The following ACCSL variants were observed in gnomAD, a reference collection of about 807,000 sequenced individuals.
The protein encoded by ACCSL is probable inactive 1-aminocyclopropane-1-carboxylate synthase-like protein 2.
ACCSL carries 55 observed loss-of-function variants against 61.7 expected under a neutral mutation model. The ratio of observed to expected loss-of-function variants is 0.89; its 90% confidence interval spans 0.72 to 1.12. ACCSL has a LOEUF of 1.12. ACCSL is among the 50% of genes most tolerant of loss of function. ACCSL has a pLI of 0.00. For missense variants in ACCSL, 632 were observed against 698.0 expected (o/e 0.91, Z 1.07); for synonymous variants, 258 against 264.3 (o/e 0.98, Z 0.23).
rs577026793 is a variant in ACCSL at position 44,053,649 on chromosome 11, G to A, written c.1049+143G>A. 168 of 709,998 alleles carry A rather than the reference G, an allele frequency of 2.4e-4. 1 individual carries two copies. The highest frequency in any genetic ancestry group is 2.2e-3 in the African/African-American group (125 of 55,952). 44.0% of individuals were successfully genotyped at this position (709,998 alleles called of 1,614,324 possible). A position where few individuals can be genotyped will look rare whatever the true frequency, so the allele number is the denominator to read the frequency against. ...AGGCCGAGAAGGTGGATCACTTGAG[G>A]TCAGGAGTTCGAGACCAGCATGGCC... On this transcript the variant is annotated intron_variant, in intron 8 of 13. Transcript: ENST00000378832.
the ACCSL span, among the ~76,000 whole-genome samples, chr11:43,967,078 G>A: frequency 6.8e-6 from 1 of 147,560 alleles, no homozygotes; most frequent in African/African-American, 2.5e-5. Context: ...ATAGTGCTAA[G>A]TTCTCCTTCC....
the ACCSL span, among the ~76,000 whole-genome samples, chr11:43,994,162 T>A: frequency 6.6e-6 from 1 of 152,240 alleles, no homozygotes; most frequent in Admixed American, 6.5e-5. Flanking sequence ...AAAGACAGTA[T>A]TTTTTGCATT....
chr11:43,939,843 G>A, the ACCSL span, among the ~76,000 whole-genome samples: 11 of 152,168 alleles, frequency 7.2e-5, no homozygotes, highest in Non-Finnish European at 2.9e-5. Flanking sequence ...CTGACCTCAA[G>A]TGATCCATCC....
chr11:43,966,860 T>G, the ACCSL span, among the ~76,000 whole-genome samples: 1 of 152,192 alleles, frequency 6.6e-6, no homozygotes, highest in Non-Finnish European at 1.5e-5. Context: ...GATTCACATC[T>G]TTGGTTTCAA....
the ACCSL span, among the ~76,000 whole-genome samples, chr11:44,021,106 C>A: frequency 6.6e-6 from 1 of 152,048 alleles, no homozygotes; most frequent in Non-Finnish European, 1.5e-5. Context: ...GTGCAAGTGT[C>A]TTTTTCATAT....
chr11:44,044,099 G>C (rs1335009488), upstream of ACCSL, among the ~76,000 whole-genome samples: 5 of 152,118 alleles, frequency 3.3e-5, no homozygotes, highest in African/African-American at 1.2e-4. Context: ...CAGAGTGTTT[G>C]CTTACTTCTA....
At chr11:43,973,451 TATC>T in the ACCSL span, among the ~76,000 whole-genome samples, 9 of 148,636 alleles carry the variant, frequency 6.1e-5, no homozygotes, top group African/African-American at 2.3e-4. Context: ...TCTATCTATC[TATC>T]TATCTATCTC....
At chr11:44,003,194 C>T in the ACCSL span, among the ~76,000 whole-genome samples, 1 of 152,240 alleles carries the variant, frequency 6.6e-6, no homozygotes, top group East Asian at 1.9e-4. Context: ...ACACAATGTT[C>T]CAAGTATAAG....
chr11:44,037,628 A>T, the ACCSL span, among the ~76,000 whole-genome samples: 60 of 152,236 alleles, frequency 3.9e-4, 1 homozygote, highest in Admixed American at 2.6e-4. Flanking sequence ...CAGGCTGTGG[A>T]AGGTGAAGTT....
Position 44,052,689 on chromosome 11 carries a change from A to G in ACCSL, c.800A>G (p.Tyr267Cys), listed in dbSNP as rs747890227. 6.2e-6 allele frequency: 10 copies of G among 1,613,902 alleles called. No homozygotes were observed. The highest frequency in any genetic ancestry group is 8.5e-6 in the Non-Finnish European group (10 of 1,179,992). Residue 267 changes from tyrosine (Y) to cysteine (C), a missense_variant, in exon 6 of 14, where the codon TAT becomes TGT. Coordinates refer to ENST00000378832, the MANE Select transcript of ACCSL (RefSeq NM_001031854.2). ...GEAFLVPAPF[Y>C]GGFAFSSRLY... The stretch of plus-strand genomic sequence containing the variant: ...GCCTTCCTGGTCCCTGCTCCCTTCT[A>G]TGGTGGCTTTGCCTTTAGCTCCCGC...
At chr11:43,941,083 T>C in the ACCSL span, among the ~76,000 whole-genome samples, 1 of 152,142 alleles carries the variant, frequency 6.6e-6, no homozygotes, top group Non-Finnish European at 1.5e-5. Flanking sequence ...AGTGAACACA[T>C]TGAGTTCACG....
At chr11:44,000,948 G>A in the ACCSL span, among the ~76,000 whole-genome samples, 3 of 152,140 alleles carry the variant, frequency 2.0e-5, no homozygotes, top group East Asian at 5.8e-4. Flanking sequence ...CTGAGGCACC[G>A]ATAAGTTAAG....
At chr11:43,986,282 C>A in the ACCSL span, among the ~76,000 whole-genome samples, 1 of 151,938 alleles carries the variant, frequency 6.6e-6, no homozygotes, top group Non-Finnish European at 1.5e-5. Context: ...TGTCTCCCTG[C>A]TGTCTTTTTC....
intron 11 of ACCSL, among the ~76,000 whole-genome samples, chr11:44,056,773 A>T (rs1385287475): frequency 1.3e-5 from 2 of 152,190 alleles, no homozygotes; most frequent in African/African-American, 4.8e-5. Context: ...CAGAGATTGC[A>T]GTGAGCCAAG....
chr11:44,001,627 A>G, the ACCSL span, among the ~76,000 whole-genome samples: 1 of 151,942 alleles, frequency 6.6e-6, no homozygotes, highest in African/African-American at 2.4e-5. Context: ...TGCCTTGTGC[A>G]AGCAAAATAC....
chr11:44,026,099 C>T, the ACCSL span, among the ~76,000 whole-genome samples: 2 of 152,236 alleles, frequency 1.3e-5, no homozygotes, highest in African/African-American at 4.8e-5. Flanking sequence ...GTGCAGTTTT[C>T]AGCCATTATT....
At chr11:44,000,525 C>CAAA in the ACCSL span, among the ~76,000 whole-genome samples, 114 of 108,750 alleles carry the variant, frequency 1.0e-3, 3 homozygotes, top group African/African-American at 1.3e-3. Context: ...GACTCTGTCT[C>CAAA]AAAAAAAAAA....
the ACCSL span, among the ~76,000 whole-genome samples, chr11:44,033,034 T>C: frequency 6.6e-6 from 1 of 152,132 alleles, no homozygotes; most frequent in Non-Finnish European, 1.5e-5. Context: ...GACTGGTGAG[T>C]GCACAGTGGA....
At chr11:44,010,863 A>G in the ACCSL span, among the ~76,000 whole-genome samples, 6 of 152,188 alleles carry the variant, frequency 3.9e-5, no homozygotes, top group Admixed American at 1.3e-4. Context: ...GGATTGAGGA[A>G]TTTGCACTCT....
Sources: allele counts gnomAD v4.1 joint callset (sites outside exome capture counted in the v4.1 genomes callset), GRCh38; gene constraint gnomAD v4.1.1; transcripts MANE v1.5; gene names NCBI Gene and HGNC (gene_info 2026-07-23, HGNC 2026-07-21).